AATF: variants seen among roughly 807,000 people sequenced by gnomAD.
The protein encoded by AATF is apoptosis antagonizing transcription factor, also known as protein AATF.
AATF carries 48 observed loss-of-function variants against 63.7 expected under a neutral mutation model. That is an observed-to-expected ratio of 0.75 (90% CI 0.60 to 0.96). AATF has a LOEUF of 0.96. Ranked by LOEUF, AATF falls within the 40% of genes least tolerant of loss-of-function variation. The probability of loss-of-function intolerance (pLI) is 0.00; values close to 1 mark genes in which losing one functional copy is unlikely to be tolerated. For synonymous variants in AATF, 258 were observed against 247.7 expected, an observed-to-expected ratio of 1.04 and a Z score of -0.39; for missense variants, 639 against 685.7, an observed-to-expected ratio of 0.93 and a Z score of 0.76.
chr17:37,046,246 G>A (rs560755050), intron 11 of AATF, among the ~76,000 whole-genome samples: 3 of 152,178 alleles, frequency 2.0e-5, no homozygotes, highest in African/African-American at 4.8e-5. Context: ...TTAGGGGGAG[G>A]GCAGGGGAGC....
chr17:36,952,142 A>G (rs1414685216), intron 2 of AATF, among the ~76,000 whole-genome samples: 1 of 152,240 alleles, frequency 6.6e-6, no homozygotes, highest in Non-Finnish European at 1.5e-5. Flanking sequence ...CCTGCACTCC[A>G]GTGCGTTTTC....
At chr17:37,054,998 C>T (rs771236077) in intron 11 of AATF, 1 of 152,364 alleles carries the variant, frequency 6.6e-6, no homozygotes, top group South Asian at 2.1e-4. Context: ...ATTTGGAAGC[C>T]GTGGGTTTGC....
At chr17:36,980,396 G>A (rs1283513015) in intron 4 of AATF, 1 of 152,182 alleles carries the variant, frequency 6.6e-6, no homozygotes, top group Non-Finnish European at 1.5e-5. Flanking sequence ...ACCATGTAGG[G>A]TAAAATAAAC....
chr17:36,954,815 A>C (rs1401244176), intron 4 of AATF, among the ~76,000 whole-genome samples: 1 of 152,144 alleles, frequency 6.6e-6, no homozygotes, highest in Non-Finnish European at 1.5e-5. Flanking sequence ...CCTCTGCACC[A>C]CACTGCCTCC....
At chr17:37,011,124 A>C (rs2071387344) in intron 8 of AATF, among the ~76,000 whole-genome samples, 1 of 152,122 alleles carries the variant, frequency 6.6e-6, no homozygotes, top group South Asian at 2.1e-4. Flanking sequence ...TAATCCCAGC[A>C]CTTCAGGAGG....
At chr17:37,033,201 T>C (rs1045273187) in intron 11 of AATF, among the ~76,000 whole-genome samples, 6 of 152,230 alleles carry the variant, frequency 3.9e-5, no homozygotes, top group African/African-American at 1.4e-4. Flanking sequence ...TATCCTGTGC[T>C]TTGCAAGTGA....
chr17:37,048,439 C>T (rs1307533892), intron 11 of AATF, among the ~76,000 whole-genome samples: 4 of 143,484 alleles, frequency 2.8e-5, no homozygotes, highest in Non-Finnish European at 4.5e-5. Context: ...GGCACAATCT[C>T]GGCTCACTGC....
intron 4 of AATF, among the ~76,000 whole-genome samples, chr17:36,958,676 T>C (rs2070921858): frequency 6.6e-6 from 1 of 152,224 alleles, no homozygotes; most frequent in Non-Finnish European, 1.5e-5. Context: ...AATCAATTCA[T>C]GGTCAATCTT....
intron 10 of AATF, 67 bp from the exon 11 acceptor site, chr17:37,031,547 G>T: frequency 7.8e-7 from 1 of 1,281,898 alleles, no homozygotes; most frequent in South Asian, 1.2e-5. Context: ...TTAACTCACT[G>T]AATGTGTTTC....
chr17:37,028,510 G>A (rs1363542826), intron 10 of AATF, among the ~76,000 whole-genome samples: 2 of 152,170 alleles, frequency 1.3e-5, no homozygotes, highest in Admixed American at 1.3e-4. Context: ...ATTAGACTGG[G>A]CATGGTGGCT....
intron 8 of AATF, among the ~76,000 whole-genome samples, chr17:37,017,558 G>A (rs1317074440): frequency 2.0e-5 from 3 of 152,144 alleles, no homozygotes; most frequent in Non-Finnish European, 4.4e-5. Flanking sequence ...CTGATAGATT[G>A]GCTGCCAGAA....
intron 11 of AATF, among the ~76,000 whole-genome samples, chr17:37,050,441 G>A (rs1247838851): frequency 1.3e-5 from 2 of 152,154 alleles, no homozygotes; most frequent in African/African-American, 2.4e-5. Context: ...TCTAGTACAT[G>A]TTTAAGCTTC....
intron 5 of AATF, 152 bp from the exon 6 acceptor site, chr17:36,988,367 G>A (rs1309249917): frequency 2.7e-6 from 2 of 735,238 alleles, no homozygotes; most frequent in Non-Finnish European, 4.4e-6. Flanking sequence ...TCTTCTCAAA[G>A]AGCAAAAGCC....
intron 4 of AATF, 103 bp downstream of exon 4, chr17:36,954,010 T>C: frequency 1.5e-6 from 2 of 1,295,828 alleles, no homozygotes; most frequent in South Asian, 2.9e-5. Context: ...TTATTGTGCT[T>C]TCTTCTCATC....
rs2071802945 is a variant in AATF at position 37,056,810 on chromosome 17, A to G, written c.*146A>G. On this transcript the variant is annotated 3_prime_UTR_variant, in exon 12 of 12. Coordinates refer to ENST00000619387, the MANE Select transcript of AATF (RefSeq NM_012138.4). ...TCCGAACCTGTGCCTAATACACGCA[A>G]GGGCGCTGTCCCGCCCAACCCCGCC... 3.6e-6 allele frequency: 3 copies of G among 832,588 alleles called. No individual in the cohort carries two copies. Among genetic ancestry groups the G allele is most frequent in the Non-Finnish European group, 5.6e-6 (3 of 537,846 alleles). 51.6% of individuals were successfully genotyped at this position (832,588 alleles called of 1,614,324 possible). A position where few individuals can be genotyped will look rare whatever the true frequency, so the allele number is the denominator to read the frequency against.
chr17:36,954,028 G>T, intron 4 of AATF, 121 bp downstream of exon 4: 1 of 988,456 alleles, frequency 1.0e-6, no homozygotes, highest in Non-Finnish European at 1.4e-6. Context: ...ATCTGCCCTT[G>T]CTCTCCCCTC....
chr17:36,955,913 C>T (rs911651246), intron 4 of AATF, among the ~76,000 whole-genome samples: 7 of 152,078 alleles, frequency 4.6e-5, no homozygotes, highest in African/African-American at 1.7e-4. Context: ...CAGGCATGAG[C>T]CACCATGCCC....
chr17:36,999,704 G>T (rs1312932287), intron 8 of AATF, among the ~76,000 whole-genome samples: 1 of 148,870 alleles, frequency 6.7e-6, no homozygotes, highest in African/African-American at 2.4e-5. Flanking sequence ...ATAGGGAAGT[G>T]ATGGTTACTG....
chr17:36,994,060 G>T (rs1390769342), intron 8 of AATF, among the ~76,000 whole-genome samples: 1 of 152,132 alleles, frequency 6.6e-6, no homozygotes, highest in Non-Finnish European at 1.5e-5. Context: ...GGCCATAGAA[G>T]ATAGTATCTG....
Sources: gnomAD v4.1 joint callset for allele counts (sites outside exome capture counted in the v4.1 genomes callset) on GRCh38, gnomAD v4.1.1 for gene constraint, MANE v1.5 for transcripts, NCBI Gene and HGNC (gene_info 2026-07-23, HGNC 2026-07-21) for gene names.